The following OPRM1 variants were observed in gnomAD, a reference collection of about 807,000 sequenced individuals.
OPRM1 encodes opioid receptor mu 1.
Under a neutral mutation model 31.8 loss-of-function variants are expected in OPRM1, and 27 were observed. That is an observed-to-expected ratio of 0.85 (90% CI 0.63 to 1.17). The LOEUF (loss-of-function observed/expected upper bound fraction) is 1.17. Ranked by LOEUF, OPRM1 falls within the 50% of genes most tolerant of loss-of-function variation. The probability of loss-of-function intolerance (pLI) is 0.00; values close to 1 mark genes in which losing one functional copy is unlikely to be tolerated. For synonymous variants in OPRM1, 196 were observed against 189.9 expected (o/e 1.03, Z -0.26); for missense variants, 536 against 511.1 (o/e 1.05, Z -0.47).
intron 3 of OPRM1, among the ~76,000 whole-genome samples, chr6:154,144,002 C>T (rs1798291776): frequency 6.6e-6 from 1 of 152,096 alleles, no homozygotes; most frequent in African/African-American, 2.4e-5. Context: ...TCAGTACAGA[C>T]CTGCAGATAT....
At chr6:154,177,160 C>T (rs528346782) in intron 3 of OPRM1, among the ~76,000 whole-genome samples, 14 of 152,226 alleles carry the variant, frequency 9.2e-5, no homozygotes, top group Middle Eastern at 3.4e-3. Flanking sequence ...AAGACTTAAA[C>T]GTAAGACCTA....
chr6:154,066,075 G>T (rs1402453680), intron 1 of OPRM1, among the ~76,000 whole-genome samples: 1 of 152,052 alleles, frequency 6.6e-6, no homozygotes, highest in Admixed American at 6.6e-5. Flanking sequence ...TACATTGATT[G>T]GTATTCACAT....
chr6:154,149,107 T>G (rs564640815), intron 3 of OPRM1, among the ~76,000 whole-genome samples: 1 of 152,338 alleles, frequency 6.6e-6, no homozygotes, highest in Non-Finnish European at 1.5e-5. Flanking sequence ...ATTTTCACAC[T>G]GCTGTGAAGA....
At chr6:154,210,809 T>C (rs1269222813) in intron 3 of OPRM1, among the ~76,000 whole-genome samples, 1 of 152,236 alleles carries the variant, frequency 6.6e-6, no homozygotes, top group Non-Finnish European at 1.5e-5. Context: ...TAATTTTGGC[T>C]AATCATATTT....
intron 3 of OPRM1, among the ~76,000 whole-genome samples, chr6:154,237,326 A>C (rs1236541862): frequency 6.6e-6 from 1 of 152,182 alleles, no homozygotes; most frequent in African/African-American, 2.4e-5. Flanking sequence ...ACAAGTACCC[A>C]ATGTCTTCTA....
rs1003400238 is a variant in OPRM1 at position 154,130,815 on chromosome 6, G to A, written c.*12094G>A. On this transcript the variant is annotated 3_prime_UTR_variant, in exon 4 of 4. Transcript: ENST00000330432. ...ACATACATTTCCATTATTTTAATGG[G>A]AATTAAAGAAAAAATGCCTGTTTTC... 1.3e-5 allele frequency among the ~76,000 whole-genome samples: 2 copies of A among 151,578 alleles called. No individual in the cohort carries two copies. Among genetic ancestry groups the A allele is most frequent in the African/African-American group, 4.8e-5 (2 of 41,264 alleles).
rs747290680 is a variant in OPRM1, at chr6:154,039,819, T to G, written c.275T>G (p.Met92Arg). The G allele has an allele frequency of 1.3e-6, 2 of 1,585,476 alleles. No homozygotes were observed. The highest frequency in any genetic ancestry group is 4.5e-5 in the East Asian group (2 of 44,538). Residue 92 changes from methionine (M) to arginine (R), a missense_variant, in exon 1 of 4, where the codon ATG becomes AGG. Met to Arg is a moderately conservative substitution (Grantham distance 91, BLOSUM62 -1). Coordinates refer to ENST00000330432, the MANE Select transcript of OPRM1 (RefSeq NM_000914.5). ...GGGCTCTTCGGAAACTTCCTGGTCA[T>G]GTATGTGATTGTCAGGTAAGGAAAG... ...VVGLFGNFLVMYVIVRYTKMK... is the reference protein window; with the variant it reads ...VVGLFGNFLVRYVIVRYTKMK...
chr6:154,152,338 A>AGGAAG (rs1554285086), intron 3 of OPRM1, among the ~76,000 whole-genome samples: 12 of 19,446 alleles, frequency 6.2e-4, no homozygotes, highest in Admixed American at 1.2e-3. Flanking sequence ...AAAGAAAGAA[A>AGGAAG]GAAAGAAAGG....
chr6:154,115,392 T>C (rs1796755755), intron 3 of OPRM1, among the ~76,000 whole-genome samples: 1 of 151,982 alleles, frequency 6.6e-6, no homozygotes, highest in Non-Finnish European at 1.5e-5. Flanking sequence ...ATACAAAAAT[T>C]AGCCAGGTGT....
chr6:154,138,548 G>A (rs980986222), intron 3 of OPRM1, among the ~76,000 whole-genome samples: 8 of 152,194 alleles, frequency 5.3e-5, no homozygotes, highest in African/African-American at 1.9e-4. Flanking sequence ...CCGGGAAGGA[G>A]CGTGTCAAGA....
intron 1 of OPRM1, among the ~76,000 whole-genome samples, chr6:154,042,059 T>C (rs1474010328): frequency 6.6e-6 from 1 of 152,136 alleles, no homozygotes; most frequent in East Asian, 1.9e-4. Flanking sequence ...ACTGAGAACA[T>C]GTTATTATGC....
chr6:154,241,905 T>G (rs1780626112), intron 3 of OPRM1, among the ~76,000 whole-genome samples: 1 of 152,180 alleles, frequency 6.6e-6, no homozygotes, highest in Non-Finnish European at 1.5e-5. Context: ...AAGTCACCTC[T>G]AAATGGAGAA....
At chr6:154,036,648 A>T (rs1779313938), upstream of OPRM1, among the ~76,000 whole-genome samples, 1 of 152,016 alleles carries the variant, frequency 6.6e-6, no homozygotes, top group South Asian at 2.1e-4. Flanking sequence ...TGAGTCAAAA[A>T]GGACAAAACG....
At chr6:154,022,045 G>A (rs934004761) in intron 1 of OPRM1, among the ~76,000 whole-genome samples, 1 of 152,128 alleles carries the variant, frequency 6.6e-6, no homozygotes, top group Admixed American at 6.5e-5. Context: ...AGACGTCCTT[G>A]CCTTGCTCCT....
At chr6:154,193,051 AAG>A in intron 3 of OPRM1, among the ~76,000 whole-genome samples, 1 of 152,334 alleles carries the variant, frequency 6.6e-6, no homozygotes, top group East Asian at 1.9e-4. Context: ...TCATTATACG[AAG>A]AAGGATACTT....
chr6:154,010,902 G>C lies in OPRM1; in HGVS notation c.-117G>C, dbSNP rs539206762. On this transcript the variant is annotated 5_prime_UTR_variant, in exon 1 of 6. Transcript: ENST00000434900. ...AAATGTAATTCTATGAGAAGGACCA[G>C]CCCTTACATCCCATCAAAATGTTTC... 2.3e-6 allele frequency: 3 copies of C among 1,317,678 alleles called. No homozygotes were observed. In the South Asian group the frequency reaches 3.8e-5, roughly 17 times the overall value. 81.6% of individuals were successfully genotyped at this position (1,317,678 alleles called of 1,614,324 possible). A position where few individuals can be genotyped will look rare whatever the true frequency, so the allele number is the denominator to read the frequency against.
chr6:154,230,435 G>C (rs957672422), intron 3 of OPRM1, among the ~76,000 whole-genome samples: 1 of 152,152 alleles, frequency 6.6e-6, no homozygotes, highest in African/African-American at 2.4e-5. Flanking sequence ...TCAGATTTTA[G>C]AATTTAAATG....
intron 3 of OPRM1, among the ~76,000 whole-genome samples, chr6:154,203,730 G>C (rs1777259233): frequency 6.6e-6 from 1 of 152,144 alleles, no homozygotes; most frequent in African/African-American, 2.4e-5. Context: ...CCTGAGAACA[G>C]GCTGGTTTTA....
At chr6:154,195,150 T>TC (rs1776494005) in intron 3 of OPRM1, among the ~76,000 whole-genome samples, 1 of 144,810 alleles carries the variant, frequency 6.9e-6, no homozygotes, top group African/African-American at 2.5e-5. Context: ...TTTCTTTCTT[T>TC]TTTTTTTTTT....
Sources: gnomAD v4.1 joint callset for allele counts (sites outside exome capture counted in the v4.1 genomes callset) on GRCh38, gnomAD v4.1.1 for gene constraint, MANE v1.5 for transcripts, NCBI Gene and HGNC (gene_info 2026-07-23, HGNC 2026-07-21) for gene names.